Variants in BROX observed in about 807,000 individuals in gnomAD.
BROX encodes BRO1 domain and CAAX motif containing, also known as BRO1 domain-containing protein BROX.
Under a neutral mutation model 61.0 loss-of-function variants are expected in BROX, and 53 were observed. The ratio of observed to expected loss-of-function variants is 0.87; its 90% CI spans 0.70 to 1.09. The LOEUF is 1.09. Among genes scored for constraint, BROX ranks in the 50% least tolerant of loss-of-function variants. The probability of loss-of-function intolerance (pLI) is 0.00; values close to 1 mark genes in which losing one functional copy is unlikely to be tolerated. For missense variants in BROX, 489 were observed against 472.0 expected, an observed-to-expected ratio of 1.04 and a Z score of -0.33; for synonymous variants, 152 against 160.2, an observed-to-expected ratio of 0.95 and a Z score of 0.38.
chr1:222,730,457 G>A (rs1293070597), intron 11 of BROX, among the ~76,000 whole-genome samples: 1 of 152,014 alleles, frequency 6.6e-6, no homozygotes, highest in African/African-American at 2.4e-5. Context: ...AATTAGCTGG[G>A]CATGGTGGCA....
At chr1:222,731,552 A>G (rs1173699607) in intron 12 of BROX, 36 bp downstream of exon 12, 15 of 1,558,212 alleles carry the variant, frequency 9.6e-6, no homozygotes, top group African/African-American at 7.0e-5. Flanking sequence ...TCTCATTCAC[A>G]AAAGTTTAAA....
In BROX at chr1:222,718,917, C is replaced by G; in HGVS notation, c.102-8C>G. 6.2e-7 allele frequency: 1 copy of G among 1,610,118 alleles called. No individual in the cohort carries two copies. Among genetic ancestry groups the G allele is most frequent in the Non-Finnish European group, 8.5e-7 (1 of 1,176,960 alleles). Reference sequence around the variant, plus strand: ...CTAACTTTACTGTCTTTTTGTATCTCTTATAAGTGACTTGAGGTCATCCAG... The same window carrying G: ...CTAACTTTACTGTCTTTTTGTATCTGTTATAAGTGACTTGAGGTCATCCAG... On this transcript the variant is annotated splice_polypyrimidine_tract_variant and splice_region_variant and intron_variant, in intron 2 of 12. Transcript: ENST00000340934.
At chr1:222,720,150 T>C (rs1031601414) in intron 4 of BROX, among the ~76,000 whole-genome samples, 2 of 152,174 alleles carry the variant, frequency 1.3e-5, no homozygotes, top group Admixed American at 1.3e-4. Flanking sequence ...AACATCTGCT[T>C]CTTCAACTAT....
At chr1:222,718,033 G>A (rs980046927) in intron 2 of BROX, 2 of 152,168 alleles carry the variant, frequency 1.3e-5, no homozygotes, top group Non-Finnish European at 2.9e-5. Context: ...AACTGGAATA[G>A]AACCAAGTGA....
At chr1:222,713,407 C>G in intron 1 of BROX, 1 of 984,180 alleles carries the variant, frequency 1.0e-6, no homozygotes, top group Non-Finnish European at 1.2e-6. Flanking sequence ...AGCTCGGGGG[C>G]GGCGCTCAGG....
At chr1:222,720,282 C>G (rs1442445609) in intron 4 of BROX, among the ~76,000 whole-genome samples, 1 of 152,122 alleles carries the variant, frequency 6.6e-6, no homozygotes, top group Admixed American at 6.5e-5. Flanking sequence ...TTCTTCCTTC[C>G]TTGGCAATAT....
Position 222,732,755 on chromosome 1 carries a change from A to C in BROX, c.*41A>C. The C allele has an allele frequency of 6.9e-7, 1 of 1,447,230 alleles. No individual in the cohort carries two copies. The highest frequency in any genetic ancestry group is 9.6e-7 in the Non-Finnish European group (1 of 1,039,450). The allele number at this position is 1,447,230 out of a possible 1,614,324, so 89.6% of individuals were successfully genotyped here. A position where few individuals can be genotyped will look rare whatever the true frequency, so the allele number is the denominator to read the frequency against. On this transcript the variant is annotated 3_prime_UTR_variant, in exon 13 of 13. Transcript: ENST00000340934. Reference sequence around the variant, plus strand: ...TAGAATTTCTCTAGCAGTAAATAAGATAAACCACAGAATTTCAGTTCTTAT... The same window carrying C: ...TAGAATTTCTCTAGCAGTAAATAAGCTAAACCACAGAATTTCAGTTCTTAT...
chr1:222,730,302 C>A, intron 11 of BROX, 125 bp downstream of exon 11: 1 of 632,688 alleles, frequency 1.6e-6, no homozygotes, highest in Non-Finnish European at 2.3e-6. Context: ...TGTTGAATAG[C>A]ACTCACTCAT....
chr1:222,712,850 G>C lies in BROX; in HGVS notation c.-109G>C. On this transcript the variant is annotated 5_prime_UTR_variant, in exon 1 of 13. Transcript: ENST00000340934. ...TCCGTCACCCTGGTTCTGTAGTCTC[G>C]GTTCTCCGACTCCCTCTTTTTCTCG... The C allele has an allele frequency of 7.8e-7, 1 of 1,278,900 alleles. No homozygotes were observed. Among genetic ancestry groups the C allele is most frequent in the Non-Finnish European group, 1.0e-6 (1 of 981,884 alleles). The allele number at this position is 1,278,900 out of a possible 1,614,324, so 79.2% of individuals were successfully genotyped here. A position where few individuals can be genotyped will look rare whatever the true frequency, so the allele number is the denominator to read the frequency against.
chr1:222,715,316 T>C (rs1236116893), intron 1 of BROX: 1 of 152,880 alleles, frequency 6.5e-6, no homozygotes, highest in Non-Finnish European at 1.5e-5. Flanking sequence ...CTCCTATATA[T>C]GTATGTTAAC....
rs750979939 is a variant in BROX, at chr1:222,722,421, C to T, written c.308C>T (p.Ala103Val). 6.2e-7 allele frequency: 1 copy of T among 1,610,596 alleles called. No homozygotes were observed. Among genetic ancestry groups the T allele is most frequent in the Non-Finnish European group, 8.5e-7 (1 of 1,177,106 alleles). Residue 103 changes from alanine to valine, a missense_variant and splice_region_variant, in exon 5 of 13, where the codon GCC (alanine) becomes GTC (valine). Physicochemically the swap from Ala to Val is moderately conservative, Grantham distance 64 (BLOSUM62 0). Transcript: ENST00000340934. ...TDTLQGQVPS[A>V]QQDAVFELIS... ...AATGATCATGTTTATAATTCCAGTGCCCAGCAGGATGCTGTTTTTGAATTA... is the reference window on the plus strand; with the variant it reads ...AATGATCATGTTTATAATTCCAGTGTCCAGCAGGATGCTGTTTTTGAATTA...
intron 6 of BROX, among the ~76,000 whole-genome samples, chr1:222,725,037 C>T (rs1657401218): frequency 6.6e-6 from 1 of 152,160 alleles, no homozygotes; most frequent in South Asian, 2.1e-4. Context: ...TCGTGATTCA[C>T]CTGCCTCGGC....
intron 4 of BROX, among the ~76,000 whole-genome samples, chr1:222,720,812 C>A (rs1179822580): frequency 6.6e-6 from 1 of 151,888 alleles, no homozygotes; most frequent in Non-Finnish European, 1.5e-5. Context: ...GAGTCCATCT[C>A]AAAAAAATAA....
intron 1 of BROX, among the ~76,000 whole-genome samples, chr1:222,714,890 A>G (rs2124990735): frequency 6.6e-6 from 1 of 152,268 alleles, no homozygotes; most frequent in East Asian, 1.9e-4. Flanking sequence ...CAATGTTTTC[A>G]TTTTATAATA....
intron 4 of BROX, among the ~76,000 whole-genome samples, chr1:222,722,088 C>CGATTCTA (rs1359816882): frequency 1.3e-5 from 2 of 152,118 alleles, no homozygotes; most frequent in East Asian, 3.8e-4. Flanking sequence ...GTTAAAAATA[C>CGATTCTA]GATTCTAAGC....
chr1:222,714,053 C>T (rs1656325231), intron 1 of BROX: 2 of 152,122 alleles, frequency 1.3e-5, no homozygotes, highest in African/African-American at 4.8e-5. Flanking sequence ...AGTCGATTGT[C>T]AGAATTTTTT....
chr1:222,732,682 C>T lies in BROX; in HGVS notation c.1204C>T (p.Pro402Ser). Reference sequence around the variant, plus strand: ...ACCTGTGAAAGAACCAGACATCAAACCTCAAAAGGACACTGGGTGCTACAT... The same window carrying T: ...ACCTGTGAAAGAACCAGACATCAAATCTCAAAAGGACACTGGGTGCTACAT... ...VKPVKEPDIK[P>S]QKDTGCYIS The change falls in exon 13 of 13, where the codon CCT becomes TCT. Residue 402 changes from proline (P) to serine (S), a missense_variant. Transcript: ENST00000340934. 6.2e-7 allele frequency: 1 copy of T among 1,613,514 alleles called. No homozygotes were observed. Among genetic ancestry groups the T allele is most frequent in the Non-Finnish European group, 8.5e-7 (1 of 1,179,684 alleles).
intron 12 of BROX, among the ~76,000 whole-genome samples, chr1:222,732,213 T>A (rs1041878693): frequency 2.4e-4 from 36 of 152,260 alleles, no homozygotes; most frequent in African/African-American, 7.5e-4. Context: ...GTTCTTTTCT[T>A]AATTATTATT....
At chr1:222,720,935 A>G (rs997005970) in intron 4 of BROX, among the ~76,000 whole-genome samples, 1 of 152,362 alleles carries the variant, frequency 6.6e-6, no homozygotes, top group African/African-American at 2.4e-5. Context: ...TGAGACTTCT[A>G]AGTTACTTTA....
Sources: allele counts gnomAD v4.1 joint callset (sites outside exome capture counted in the v4.1 genomes callset), GRCh38; gene constraint gnomAD v4.1.1; transcripts MANE v1.5; gene names NCBI Gene and HGNC (gene_info 2026-07-23, HGNC 2026-07-21).